TCEA3: variants seen among roughly 807,000 people sequenced by gnomAD.
TCEA3 encodes the protein transcription elongation factor A protein 3.
TCEA3 carries 36 observed loss-of-function variants against 44.0 expected under a neutral mutation model. That is an observed-to-expected ratio of 0.82 (90% CI 0.63 to 1.08). The LOEUF (loss-of-function observed/expected upper bound fraction) is 1.08. Among genes scored for constraint, TCEA3 ranks in the 50% least tolerant of loss-of-function variants. The pLI, the probability that TCEA3 is intolerant of heterozygous loss-of-function variation, is 0.00. For synonymous variants in TCEA3, 162 were observed against 159.7 expected, an observed-to-expected ratio of 1.01 and a Z score of -0.11; for missense variants, 392 against 441.2, an observed-to-expected ratio of 0.89 and a Z score of 1.00.
chr1:23,393,886 G>A lies in TCEA3; in HGVS notation c.812C>T (p.Thr271Met), dbSNP rs777318907. 3.6e-5 allele frequency: 58 copies of A among 1,613,182 alleles called. No individual in the cohort carries two copies. Among genetic ancestry groups the A allele is most frequent in the South Asian group, 5.5e-5 (5 of 91,078 alleles). ...AISAGLIAKM[T>M]AEEMASDELR... is the part of the protein sequence containing the mutation. ...CAGATGCCCTGCTCTCACCTCTGCC[G>A]TCATCTTGGCTATAAGCCCTGCGGA... The change falls in exon 8 of 11, where the codon ACG (threonine) becomes ATG (methionine). Residue 271 changes from threonine (T) to methionine (M), a missense_variant. Transcript: ENST00000450454.
chr1:23,394,494 G>C (rs1175677334), intron 7 of TCEA3, among the ~76,000 whole-genome samples: 1 of 152,306 alleles, frequency 6.6e-6, no homozygotes, highest in Middle Eastern at 3.4e-3. Context: ...TTCTAGTTTG[G>C]AAGGGCCCCT....
chr1:23,404,028 G>T (rs916709488), intron 5 of TCEA3: 2 of 678,398 alleles, frequency 2.9e-6, no homozygotes, highest in Non-Finnish European at 5.4e-6. Flanking sequence ...CTGCTCCCCG[G>T]ATGTGCCCGC....
intron 5 of TCEA3, among the ~76,000 whole-genome samples, chr1:23,402,463 T>G (rs377374376): frequency 1.3e-5 from 2 of 152,184 alleles, no homozygotes; most frequent in African/African-American, 4.8e-5. Flanking sequence ...ACGGAAGGCC[T>G]CCACAGCACT....
At chr1:23,408,585 G>A in intron 5 of TCEA3, 79 bp downstream of exon 5, 1 of 1,429,120 alleles carries the variant, frequency 7.0e-7, no homozygotes, top group East Asian at 2.4e-5. Flanking sequence ...CCTCTGCCTT[G>A]GGCTTCCTCC....
chr1:23,387,658 A>G (rs989820737), intron 8 of TCEA3, among the ~76,000 whole-genome samples: 3 of 152,216 alleles, frequency 2.0e-5, no homozygotes, highest in African/African-American at 7.2e-5. Context: ...GCAGGCAAAC[A>G]GCCTCTGCCC....
intron 1 of TCEA3, among the ~76,000 whole-genome samples, chr1:23,421,867 GCCAGTT>G (rs1334809600): frequency 6.6e-6 from 1 of 152,324 alleles, no homozygotes; most frequent in East Asian, 1.9e-4. Context: ...TCTGTGTTAA[GCCAGTT>G]CCAGCTCTCC....
At chr1:23,384,966 A>G (rs1470475611) in intron 9 of TCEA3, among the ~76,000 whole-genome samples, 1 of 152,156 alleles carries the variant, frequency 6.6e-6, no homozygotes, top group Non-Finnish European at 1.5e-5. Flanking sequence ...GGACAAGTTC[A>G]CAGGAGTGAG....
At chr1:23,418,153 G>A (rs1639948254) in intron 2 of TCEA3, 144 bp from the exon 3 acceptor site, 2 of 746,448 alleles carry the variant, frequency 2.7e-6, no homozygotes, top group African/African-American at 1.7e-5. Context: ...CCTGGCTGAG[G>A]TCAGAACCCC....
At chr1:23,413,218 C>A (rs1460994089) in intron 4 of TCEA3, among the ~76,000 whole-genome samples, 1 of 151,790 alleles carries the variant, frequency 6.6e-6, no homozygotes, top group Non-Finnish European at 1.5e-5. Flanking sequence ...CTCACTGCAA[C>A]CTCCTCCTCC....
intron 1 of TCEA3, among the ~76,000 whole-genome samples, chr1:23,421,920 T>C (rs1197310977): frequency 2.0e-5 from 3 of 152,220 alleles, no homozygotes; most frequent in African/African-American, 7.2e-5. Context: ...GCTGTATAAC[T>C]GGGTCATATT....
intron 10 of TCEA3, among the ~76,000 whole-genome samples, chr1:23,383,029 C>T (rs1017505133): frequency 6.6e-6 from 1 of 152,174 alleles, no homozygotes; most frequent in Non-Finnish European, 1.5e-5. Context: ...CCTGTAATCC[C>T]AGCACTTTGG....
At chr1:23,395,982 C>T (rs967779775) in intron 7 of TCEA3, among the ~76,000 whole-genome samples, 3 of 152,122 alleles carry the variant, frequency 2.0e-5, no homozygotes, top group African/African-American at 7.2e-5. Context: ...AGATGAAACT[C>T]GTGATAGTTC....
At chr1:23,394,247 G>T (rs1468994229) in intron 7 of TCEA3, among the ~76,000 whole-genome samples, 1 of 152,128 alleles carries the variant, frequency 6.6e-6, no homozygotes, top group Non-Finnish European at 1.5e-5. Flanking sequence ...TAGCTTCTGG[G>T]GTAAGATCAG....
intron 7 of TCEA3, among the ~76,000 whole-genome samples, chr1:23,397,137 C>T (rs973669574): frequency 1.1e-4 from 16 of 152,170 alleles, no homozygotes; most frequent in African/African-American, 2.6e-4. Context: ...AACTGAGGCA[C>T]GCTATTACAC....
At position 23,405,636 on chromosome 1, in the gene TCEA3, T is replaced by C. The variant is rs1639523920; in HGVS notation, c.443+3028A>G. On this transcript the variant is annotated intron_variant, in intron 5 of 10. Transcript: ENST00000450454. ...TAATGAGACTTCCTTGTGTCCCTTT[T>C]GGTTTCCTACCCTCAGTACTGAACC... is the stretch of plus-strand genomic sequence containing the variant. 4.6e-5 allele frequency among the ~76,000 whole-genome samples: 7 copies of C among 151,984 alleles called. No homozygotes were observed. In the South Asian group the frequency reaches 1.5e-3, roughly 32 times the overall value.
At chr1:23,408,321 C>A (rs1304365394) in intron 5 of TCEA3, among the ~76,000 whole-genome samples, 1 of 152,122 alleles carries the variant, frequency 6.6e-6, no homozygotes, top group African/African-American at 2.4e-5. Context: ...TGAGACTGGT[C>A]CCCTGACAGT....
intron 8 of TCEA3, among the ~76,000 whole-genome samples, chr1:23,390,940 CTA>C (rs1440725708): frequency 6.6e-6 from 1 of 151,784 alleles, no homozygotes; most frequent in Non-Finnish European, 1.5e-5. Context: ...CCATTCTTTG[CTA>C]TGTCTGAGTA....
In TCEA3 at chr1:23,381,555, G is replaced by A. The variant is rs186813945; in HGVS notation, c.1039-81C>T. ...GGCTGTGGGGGAATATGAAAAAGAA[G>A]GTGGTGTCTGGAGCCACACAGACCA... On this transcript the variant is annotated intron_variant, in intron 10 of 10. Coordinates refer to ENST00000450454, the MANE Select transcript of TCEA3 (RefSeq NM_003196.3). The A allele has an allele frequency of 1.0e-4, 80 of 777,792 alleles. No homozygotes were observed. In the African/African-American group the frequency reaches 1.2e-3, roughly 12 times the overall value. The allele number at this position is 777,792 out of a possible 1,614,324, so 48.2% of individuals were successfully genotyped here.
At chr1:23,385,750 C>A (rs1215194970) in intron 9 of TCEA3, among the ~76,000 whole-genome samples, 6 of 152,238 alleles carry the variant, frequency 3.9e-5, no homozygotes, top group African/African-American at 9.6e-5. Flanking sequence ...GAGAAGGGGC[C>A]TCCACAGCCT....
Sources: gnomAD v4.1 joint callset for allele counts (sites outside exome capture counted in the v4.1 genomes callset) on GRCh38, gnomAD v4.1.1 for gene constraint, MANE v1.5 for transcripts, NCBI Gene and HGNC (gene_info 2026-07-23, HGNC 2026-07-21) for gene names.